The following CTNNA2 variants were observed in gnomAD, a reference collection of about 807,000 sequenced individuals.
CTNNA2 encodes the protein catenin alpha 2.
CTNNA2 carries 42 observed loss-of-function variants against 101.0 expected under a neutral mutation model. The ratio of observed to expected loss-of-function variants is 0.42; its 90% CI spans 0.32 to 0.54. CTNNA2 has a LOEUF of 0.54. Among genes scored for constraint, CTNNA2 ranks in the 20% least tolerant of loss-of-function variants. The probability of loss-of-function intolerance (pLI) is 0.14; values close to 1 mark genes in which losing one functional copy is unlikely to be tolerated. For missense variants in CTNNA2, 871 were observed against 1,223.1 expected (o/e 0.71, Z 4.29); for synonymous variants, 450 against 456.4 (o/e 0.99, Z 0.18).
At chr2:79,823,511 C>T (rs1345535863) in intron 3 of CTNNA2, among the ~76,000 whole-genome samples, 1 of 151,624 alleles carries the variant, frequency 6.6e-6, no homozygotes, top group Non-Finnish European at 1.5e-5. Context: ...GAGTGAGACC[C>T]CATCTCAAAA....
chr2:79,639,090 T>A lies in CTNNA2; in HGVS notation c.-5-12462T>A, dbSNP rs142710353. Among the ~76,000 whole-genome samples, 337 of 152,314 alleles carry A rather than the reference T, an allele frequency of 2.2e-3. 3 individuals carry two copies. Among genetic ancestry groups the A allele is most frequent in the African/African-American group, 7.7e-3 (319 of 41,558 alleles). On this transcript the variant is annotated intron_variant, in intron 1 of 18. Coordinates refer to ENST00000402739, the MANE Select transcript of CTNNA2 (RefSeq NM_001282597.3). ...TTCAAAATTCGGAGCTGCCATTGGT[T>A]ACCTGGGTACTGCCTGATCTAAATG...
At chr2:79,213,567 C>T (rs112787300) in intron 2 of CTNNA2, among the ~76,000 whole-genome samples, 9,842 of 152,030 alleles carry the variant, frequency 0.065, 400 homozygotes, top group East Asian at 0.16. Flanking sequence ...TGGTGAGTGG[C>T]GATTAGGCCT....
chr2:80,625,553 T>G lies in CTNNA2; in HGVS notation c.2574+6325T>G, dbSNP rs181542045. Among the ~76,000 whole-genome samples the G allele has an allele frequency of 1.6e-4, 24 of 152,206 alleles. No individual in the cohort carries two copies. The East Asian group carries it at 4.5e-3, about 28-fold the overall frequency. The stretch of plus-strand genomic sequence containing the variant: ...CTTTCTGTCATTTTTTGTATGACAC[T>G]TAAATGTCATTATATTTCTCTCAAC... On this transcript the variant is annotated intron_variant, in intron 18 of 18. Coordinates refer to ENST00000402739, the MANE Select transcript of CTNNA2 (RefSeq NM_001282597.3).
intron 7 of CTNNA2, among the ~76,000 whole-genome samples, chr2:80,330,189 C>T (rs1330314775): frequency 6.6e-6 from 1 of 152,226 alleles, no homozygotes; most frequent in Non-Finnish European, 1.5e-5. Context: ...GTGGAGCTAT[C>T]TTGTGCCAAG....
At chr2:79,847,759 C>T (rs1183060674) in intron 3 of CTNNA2, among the ~76,000 whole-genome samples, 1 of 152,038 alleles carries the variant, frequency 6.6e-6, no homozygotes, top group Non-Finnish European at 1.5e-5. Flanking sequence ...TCTTAAGGAG[C>T]ATGAGGAAAT....
intron 7 of CTNNA2, among the ~76,000 whole-genome samples, chr2:80,334,047 G>A (rs2149267563): frequency 6.6e-6 from 1 of 152,256 alleles, no homozygotes; most frequent in African/African-American, 2.4e-5. Flanking sequence ...AACTGTGGCA[G>A]CCTTGCCTTT....
intron 1 of CTNNA2, among the ~76,000 whole-genome samples, chr2:79,570,459 ATTG>A (rs1675394529): frequency 6.6e-6 from 1 of 152,264 alleles, no homozygotes; most frequent in Non-Finnish European, 1.5e-5. Context: ...TTGTTTACAA[ATTG>A]TTGTCATCCA....
chr2:79,679,675 T>C (rs1181979257), intron 2 of CTNNA2, among the ~76,000 whole-genome samples: 1 of 152,140 alleles, frequency 6.6e-6, no homozygotes, highest in Non-Finnish European at 1.5e-5. Context: ...TGTCTTCTGA[T>C]GTTCCTAGTA....
intron 9 of CTNNA2, among the ~76,000 whole-genome samples, chr2:80,521,696 A>G (rs1689568947): frequency 6.6e-6 from 1 of 152,116 alleles, no homozygotes; most frequent in Non-Finnish European, 1.5e-5. Flanking sequence ...AAGACAAGGG[A>G]ACGAATTCTC....
rs565588596 is a variant in CTNNA2 at position 79,538,337 on chromosome 2, A to G, written c.-6+25130A>G. Among the ~76,000 whole-genome samples, 3 of 152,016 alleles carry G rather than the reference A, an allele frequency of 2.0e-5. No homozygotes were observed. In the South Asian group the frequency reaches 6.2e-4, roughly 32 times the overall value. On this transcript the variant is annotated intron_variant, in intron 1 of 18. Transcript: ENST00000402739. ...TATACCGCCTGTAATTTTATAGACT[A>G]AAGCTGTTATGATTTTTTTCTCTAA...
intron 4 of CTNNA2, among the ~76,000 whole-genome samples, chr2:79,381,397 T>C (rs752160095): frequency 1.3e-5 from 2 of 152,208 alleles, no homozygotes; most frequent in African/African-American, 2.4e-5. Flanking sequence ...TTACTTTTGT[T>C]ACGATTCATA....
chr2:80,529,718 A>G (rs944955900), intron 9 of CTNNA2, among the ~76,000 whole-genome samples: 4 of 152,234 alleles, frequency 2.6e-5, no homozygotes, highest in Admixed American at 2.0e-4. Flanking sequence ...AGCAAGTTAC[A>G]TAGAATTTCA....
chr2:80,309,953 G>A (rs1309031135), intron 7 of CTNNA2, among the ~76,000 whole-genome samples: 1 of 151,858 alleles, frequency 6.6e-6, no homozygotes, highest in African/African-American at 2.4e-5. Context: ...CCACTCAAAA[G>A]TGTAGGCCTG....
chr2:80,425,709 T>G (rs1409446131), intron 9 of CTNNA2, among the ~76,000 whole-genome samples: 1 of 151,100 alleles, frequency 6.6e-6, no homozygotes, highest in Non-Finnish European at 1.5e-5. Context: ...ATTTTATGGG[T>G]TTTTTTTCCC....
intron 9 of CTNNA2, among the ~76,000 whole-genome samples, chr2:80,540,554 G>T (rs1003907549): frequency 1.3e-5 from 2 of 150,062 alleles, no homozygotes; most frequent in Non-Finnish European, 2.9e-5. Flanking sequence ...CTGAGATCTT[G>T]CTGCTGCACT....
intron 9 of CTNNA2, among the ~76,000 whole-genome samples, chr2:80,422,364 G>A (rs892346069): frequency 6.6e-6 from 1 of 151,734 alleles, no homozygotes; most frequent in East Asian, 1.9e-4. Context: ...AGATTATTAC[G>A]ACTCAAGGTG....
chr2:80,462,627 C>CTTTTTTTTTTTTTTTT (rs1161384853), intron 9 of CTNNA2, among the ~76,000 whole-genome samples: 11 of 114,372 alleles, frequency 9.6e-5, no homozygotes, highest in African/African-American at 4.1e-4. Flanking sequence ...TTCTTTCTTT[C>CTTTTTTTTTTTTTTTT]TTTCTTTTTT....
chr2:79,755,241 G>T (rs1324016953), intron 3 of CTNNA2, among the ~76,000 whole-genome samples: 2 of 152,196 alleles, frequency 1.3e-5, no homozygotes, highest in African/African-American at 4.8e-5. Context: ...TGAGGCAGGA[G>T]GATAGCTTGA....
intron 2 of CTNNA2, among the ~76,000 whole-genome samples, chr2:79,727,286 T>A (rs1378609012): frequency 1.3e-5 from 2 of 152,130 alleles, no homozygotes; most frequent in African/African-American, 4.8e-5. Context: ...AAAGAAAGTG[T>A]ACATATGAAG....
Sources: allele counts gnomAD v4.1 joint callset (sites outside exome capture counted in the v4.1 genomes callset), GRCh38; gene constraint gnomAD v4.1.1; transcripts MANE v1.5; gene names NCBI Gene and HGNC (gene_info 2026-07-23, HGNC 2026-07-21).